DLGAP1: variants seen among roughly 807,000 people sequenced by gnomAD.
DLGAP1 encodes DLG associated protein 1, also known as disks large-associated protein 1.
A neutral mutation model predicts 90.8 loss-of-function variants in DLGAP1; 11 were observed. That is an observed-to-expected ratio of 0.12 (90% confidence interval 0.08 to 0.20). The LOEUF is 0.20. DLGAP1 is among the 10% of genes least tolerant of loss of function. The pLI is 1.00. For missense variants in DLGAP1, 1,050 were observed against 1,333.8 expected (o/e 0.79, Z 3.31); for synonymous variants, 558 against 540.7 (o/e 1.03, Z -0.44).
intron 10 of DLGAP1, among the ~76,000 whole-genome samples, chr18:3,531,166 G>C (rs867872020): frequency 2.6e-5 from 4 of 152,296 alleles, no homozygotes; most frequent in Middle Eastern, 6.8e-3. Context: ...GCCGGGCGCT[G>C]TGGCTCACCC....
chr18:3,934,379 G>A (rs1006142586), intron 3 of DLGAP1, among the ~76,000 whole-genome samples: 1 of 152,052 alleles, frequency 6.6e-6, no homozygotes, highest in Non-Finnish European at 1.5e-5. Context: ...CATAATCATC[G>A]ACCGATTCAT....
Position 4,130,627 on chromosome 18 carries a change from CAT to C in DLGAP1, c.-159+20551_-159+20552del. Among the ~76,000 whole-genome samples the C allele has an allele frequency of 3.9e-5, 6 of 152,272 alleles. No individual in the cohort carries two copies. In the South Asian group the frequency reaches 1.2e-3, roughly 32 times the overall value. ...TCAGTCCTTGTTCTTGTGAAGTTTA[CAT>C]TCCAGTAGAAGGGGCAGGACCACAC... On this transcript the variant is annotated intron_variant, in intron 2 of 12. Transcript: ENST00000315677.
chr18:4,433,443 G>A (rs551863763), intron 1 of DLGAP1, among the ~76,000 whole-genome samples: 14 of 152,262 alleles, frequency 9.2e-5, no homozygotes, highest in African/African-American at 3.4e-4. Flanking sequence ...AAACCACTTA[G>A]CTCTACCAGG....
intron 5 of DLGAP1, among the ~76,000 whole-genome samples, chr18:3,797,426 C>G (rs920300532): frequency 6.6e-6 from 1 of 152,068 alleles, no homozygotes; most frequent in African/African-American, 2.4e-5. Flanking sequence ...GGAAAAGGGC[C>G]CTCAGCAGAA....
intron 7 of DLGAP1, among the ~76,000 whole-genome samples, chr18:3,615,316 T>C (rs957763985): frequency 6.6e-6 from 1 of 152,212 alleles, no homozygotes; most frequent in African/African-American, 2.4e-5. Flanking sequence ...GAAGGTGTAT[T>C]GTTACCACAT....
chr18:3,688,636 C>T (rs2060787173), intron 7 of DLGAP1, among the ~76,000 whole-genome samples: 2 of 149,332 alleles, frequency 1.3e-5, no homozygotes, highest in African/African-American at 2.5e-5. Flanking sequence ...CACACACACA[C>T]ACACACACAC....
chr18:3,718,388 C>G (rs2061837541), intron 7 of DLGAP1, among the ~76,000 whole-genome samples: 1 of 152,032 alleles, frequency 6.6e-6, no homozygotes, highest in Non-Finnish European at 1.5e-5. Flanking sequence ...GACTGGCCTC[C>G]CCTTTGTGAC....
At chr18:4,169,630 T>C (rs934564496) in intron 1 of DLGAP1, among the ~76,000 whole-genome samples, 2 of 152,210 alleles carry the variant, frequency 1.3e-5, no homozygotes, top group Admixed American at 1.3e-4. Flanking sequence ...CCCAGTAGAA[T>C]CAACTAGAGC....
At chr18:3,548,305 ATAT>A (rs2053178051) in intron 9 of DLGAP1, among the ~76,000 whole-genome samples, 1 of 152,170 alleles carries the variant, frequency 6.6e-6, no homozygotes, top group Admixed American at 6.5e-5. Context: ...TCAATTCATC[ATAT>A]TAACAGTCTA....
At chr18:4,221,185 G>A (rs936303931) in intron 1 of DLGAP1, among the ~76,000 whole-genome samples, 25 of 151,946 alleles carry the variant, frequency 1.6e-4, no homozygotes, top group African/African-American at 6.0e-4. Context: ...ATGTTTTCGG[G>A]AACCTCAAAA....
At chr18:3,804,957 C>A (rs1416636791) in intron 5 of DLGAP1, among the ~76,000 whole-genome samples, 1 of 152,156 alleles carries the variant, frequency 6.6e-6, no homozygotes, top group Non-Finnish European at 1.5e-5. Context: ...GGCTGACAGC[C>A]AGAGGTTAAA....
chr18:3,669,858 G>A (rs532954550), intron 7 of DLGAP1, among the ~76,000 whole-genome samples: 90 of 152,302 alleles, frequency 5.9e-4, no homozygotes, highest in African/African-American at 2.1e-3. Flanking sequence ...AACACAAGCT[G>A]CCTATAGGGC....
chr18:3,818,624 T>C (rs1352360360), intron 4 of DLGAP1, among the ~76,000 whole-genome samples: 1 of 147,358 alleles, frequency 6.8e-6, no homozygotes, highest in Non-Finnish European at 1.5e-5. Context: ...TTTTTTGAGG[T>C]GGTGTCTCGC....
intron 9 of DLGAP1, among the ~76,000 whole-genome samples, chr18:3,556,419 A>G (rs1294549378): frequency 2.0e-5 from 3 of 152,170 alleles, no homozygotes; most frequent in Non-Finnish European, 4.4e-5. Flanking sequence ...CAGCCTATTC[A>G]TACCTCCTTC....
intron 11 of DLGAP1, among the ~76,000 whole-genome samples, chr18:3,505,482 T>TA (rs1489620316): frequency 6.7e-6 from 1 of 150,130 alleles, no homozygotes; most frequent in African/African-American, 2.4e-5. Context: ...ACTAAAAAGA[T>TA]AAAAAATTAG....
chr18:4,255,510 A>AT (rs11413478), intron 1 of DLGAP1, among the ~76,000 whole-genome samples: 17,851 of 149,318 alleles, frequency 0.12, 2,259 homozygotes, highest in African/African-American at 0.32. Context: ...TGAAAAAAAA[A>AT]ATATATATAT....
chr18:4,061,736 A>G (rs2075301498), intron 2 of DLGAP1, among the ~76,000 whole-genome samples: 1 of 152,228 alleles, frequency 6.6e-6, no homozygotes, highest in Non-Finnish European at 1.5e-5. Context: ...ATGACTTAGT[A>G]TATGTTATCA....
rs533739014 is a variant in DLGAP1, at chr18:3,856,972, T to A, written c.957+22140A>T. ...CTTGCTCTATGTATTAAATTATTTA[T>A]AATATAAAGAAATACAGCTGATTAT... On this transcript the variant is annotated intron_variant, in intron 4 of 12. Coordinates refer to ENST00000315677, the MANE Select transcript of DLGAP1 (RefSeq NM_004746.4). 2.6e-5 allele frequency among the ~76,000 whole-genome samples: 4 copies of A among 152,046 alleles called. No individual in the cohort carries two copies. In the East Asian group the frequency reaches 5.8e-4, roughly 22 times the overall value.
chr18:4,328,079 T>C (rs974435958), intron 1 of DLGAP1, among the ~76,000 whole-genome samples: 4 of 151,926 alleles, frequency 2.6e-5, no homozygotes, highest in African/African-American at 9.7e-5. Flanking sequence ...ATAATTTTCT[T>C]TTCCAAAAGG....
Sources: gnomAD v4.1 joint callset for allele counts (sites outside exome capture counted in the v4.1 genomes callset) on GRCh38, gnomAD v4.1.1 for gene constraint, MANE v1.5 for transcripts, NCBI Gene and HGNC (gene_info 2026-07-23, HGNC 2026-07-21) for gene names.